ATP8A2: variants seen among roughly 807,000 people sequenced by gnomAD.
The protein encoded by ATP8A2 is phospholipid-transporting ATPase IB.
ATP8A2 carries 100 observed loss-of-function variants against 165.6 expected under a neutral mutation model. That is an observed-to-expected ratio of 0.60 (90% CI 0.51 to 0.71). ATP8A2 has a LOEUF of 0.71. Ranked by LOEUF, ATP8A2 falls within the 30% of genes least tolerant of loss-of-function variation. The pLI, the probability that ATP8A2 is intolerant of heterozygous loss-of-function variation, is 0.00. For missense variants in ATP8A2, 1,227 were observed against 1,479.5 expected, an observed-to-expected ratio of 0.83 and a Z score of 2.80; for synonymous variants, 543 against 548.8, an observed-to-expected ratio of 0.99 and a Z score of 0.15.
intron 25 of ATP8A2, among the ~76,000 whole-genome samples, chr13:25,730,882 C>T (rs953687806): frequency 2.0e-5 from 3 of 151,876 alleles, no homozygotes; most frequent in Admixed American, 1.3e-4. Flanking sequence ...TGGAGACCAG[C>T]CTGGGAAACA....
At position 25,601,149 on chromosome 13, in the gene ATP8A2, G is replaced by A. The variant is rs1005864685; in HGVS notation, c.2211+11450G>A. Among the ~76,000 whole-genome samples the A allele has an allele frequency of 9.9e-5, 15 of 152,180 alleles. 1 individual carries two copies. The highest frequency in any genetic ancestry group is 1.5e-4 in the Non-Finnish European group (10 of 68,032). On this transcript the variant is annotated intron_variant, in intron 24 of 36. Coordinates refer to ENST00000381655, the MANE Select transcript of ATP8A2 (RefSeq NM_016529.6). ...TAAGGGTCAAGACAACATCTGGGGC[G>A]CTAACAGGGTGAAACTCCTGCTTTC... is the stretch of plus-strand genomic sequence containing the variant.
intron 24 of ATP8A2, among the ~76,000 whole-genome samples, chr13:25,609,437 T>G (rs1044742686): frequency 1.3e-5 from 2 of 149,930 alleles, no homozygotes; most frequent in East Asian, 3.9e-4. Context: ...TACGTACAAT[T>G]TCTCTTAAAG....
intron 24 of ATP8A2, among the ~76,000 whole-genome samples, chr13:25,659,494 G>T (rs1050158571): frequency 1.3e-5 from 2 of 152,068 alleles, no homozygotes; most frequent in African/African-American, 4.8e-5. Context: ...AAATCCCAGG[G>T]GCTTGCCCTG....
intron 27 of ATP8A2, among the ~76,000 whole-genome samples, chr13:25,787,427 A>G (rs2138385283): frequency 6.6e-6 from 1 of 152,186 alleles, no homozygotes; most frequent in African/African-American, 2.4e-5. Context: ...ATTCCATTGC[A>G]TGGGTGTTTC....
At chr13:25,969,186 C>T (rs1003069018) in intron 35 of ATP8A2, among the ~76,000 whole-genome samples, 6 of 152,280 alleles carry the variant, frequency 3.9e-5, no homozygotes, top group Admixed American at 6.5e-5. Flanking sequence ...TGAAAGGAAT[C>T]GTGTGAACTC....
At chr13:25,726,288 G>GACAC (rs1278042604) in intron 25 of ATP8A2, among the ~76,000 whole-genome samples, 2 of 152,192 alleles carry the variant, frequency 1.3e-5, no homozygotes, top group African/African-American at 4.8e-5. Context: ...AGGTGTCCCT[G>GACAC]TAACTAAAGG....
At chr13:25,748,032 G>A (rs2044072333) in intron 25 of ATP8A2, among the ~76,000 whole-genome samples, 1 of 152,136 alleles carries the variant, frequency 6.6e-6, no homozygotes, top group Non-Finnish European at 1.5e-5. Context: ...AGTTCATTCT[G>A]ATTTAGGAAT....
At chr13:25,487,512 T>TA (rs1172316402) in intron 2 of ATP8A2, among the ~76,000 whole-genome samples, 1 of 152,210 alleles carries the variant, frequency 6.6e-6, no homozygotes, top group African/African-American at 2.4e-5. Flanking sequence ...TGAGGCACTT[T>TA]AAACAGCACC....
At chr13:25,640,227 A>G (rs2041481364) in intron 24 of ATP8A2, among the ~76,000 whole-genome samples, 1 of 152,228 alleles carries the variant, frequency 6.6e-6, no homozygotes, top group African/African-American at 2.4e-5. Flanking sequence ...TTCAAAAGCT[A>G]GCAGAAGGCA....
intron 1 of ATP8A2, among the ~76,000 whole-genome samples, chr13:25,401,141 G>A (rs1206477115): frequency 6.6e-6 from 1 of 152,022 alleles, no homozygotes; most frequent in Non-Finnish European, 1.5e-5. Context: ...AATGAGACAC[G>A]GTCCTTAACT....
intron 30 of ATP8A2, among the ~76,000 whole-genome samples, chr13:25,848,069 C>T (rs1209171164): frequency 1.3e-5 from 2 of 152,230 alleles, no homozygotes; most frequent in South Asian, 2.1e-4. Context: ...CAGTAGAGGC[C>T]TGGGCCATGC....
chr13:25,530,430 G>A, intron 3 of ATP8A2, 132 bp from the exon 4 acceptor site: 1 of 660,008 alleles, frequency 1.5e-6, no homozygotes, highest in South Asian at 1.7e-5. Flanking sequence ...TTAAAGTAAG[G>A]TAATTATTTT....
chr13:25,514,838 G>C (rs188902055), intron 2 of ATP8A2, among the ~76,000 whole-genome samples: 2 of 152,226 alleles, frequency 1.3e-5, no homozygotes, highest in African/African-American at 4.8e-5. Context: ...CCTGTCCACA[G>C]GCTCCCCTGT....
chr13:25,445,065 G>A (rs2035033493), intron 1 of ATP8A2, among the ~76,000 whole-genome samples: 2 of 152,278 alleles, frequency 1.3e-5, no homozygotes, highest in African/African-American at 4.8e-5. Flanking sequence ...TTGGATGCAA[G>A]CATCAGATAC....
chr13:25,621,109 C>A (rs1004678337), intron 24 of ATP8A2, among the ~76,000 whole-genome samples: 1 of 152,174 alleles, frequency 6.6e-6, no homozygotes, highest in African/African-American at 2.4e-5. Context: ...CCTCACTAGA[C>A]TCTGCATTCC....
Position 25,698,524 on chromosome 13 carries a change from G to A in ATP8A2, c.2212-649G>A, listed in dbSNP as rs183096459. Among the ~76,000 whole-genome samples the A allele has an allele frequency of 1.5e-4, 23 of 152,076 alleles. No individual in the cohort carries two copies. The East Asian group carries it at 3.5e-3, about 23-fold the overall frequency. On this transcript the variant is annotated intron_variant, in intron 24 of 36. Transcript: ENST00000381655. The stretch of plus-strand genomic sequence containing the variant: ...GCTGGGATTACAGGCGTGAACCACC[G>A]TGCCCAGCCCACTTTTTTTTTAAAT...
chr13:26,014,154 T>G (rs1005215451), intron 36 of ATP8A2, among the ~76,000 whole-genome samples: 4 of 152,190 alleles, frequency 2.6e-5, no homozygotes, highest in African/African-American at 9.7e-5. Flanking sequence ...CTGTCCCTGC[T>G]CCCCTGCTTT....
intron 33 of ATP8A2, among the ~76,000 whole-genome samples, chr13:25,886,200 T>C (rs1325277465): frequency 2.0e-5 from 3 of 152,358 alleles, no homozygotes; most frequent in African/African-American, 7.2e-5. Context: ...AACTAATGAA[T>C]ACTGACATTA....
chr13:25,392,013 G>C (rs1383021405), intron 1 of ATP8A2, among the ~76,000 whole-genome samples: 1 of 152,214 alleles, frequency 6.6e-6, no homozygotes. Flanking sequence ...CAGCCAATTT[G>C]TCGCTGGGTC....
Sources: gnomAD v4.1 joint callset for allele counts (sites outside exome capture counted in the v4.1 genomes callset) on GRCh38, gnomAD v4.1.1 for gene constraint, MANE v1.5 for transcripts, NCBI Gene and HGNC (gene_info 2026-07-23, HGNC 2026-07-21) for gene names.